VIL1: variants seen among roughly 807,000 people sequenced by gnomAD.
VIL1 encodes villin-1.
VIL1 carries 86 observed loss-of-function variants against 104.0 expected under a neutral mutation model. That is an observed-to-expected ratio of 0.83 (90% CI 0.69 to 0.99). The LOEUF is 0.99. Ranked by LOEUF, VIL1 falls within the 50% of genes least tolerant of loss-of-function variation. The probability of loss-of-function intolerance (pLI) is 0.00; values close to 1 mark genes in which losing one functional copy is unlikely to be tolerated. For synonymous variants in VIL1, 394 were observed against 412.6 expected (o/e 0.95, Z 0.55); for missense variants, 944 against 1,054.1 (o/e 0.90, Z 1.45).
intron 18 of VIL1, among the ~76,000 whole-genome samples, chr2:218,440,178 C>A (rs1417852325): frequency 6.6e-6 from 1 of 152,162 alleles, no homozygotes; most frequent in Non-Finnish European, 1.5e-5. Flanking sequence ...ATCTCCAACT[C>A]TGGGGAAAGC....
chr2:218,436,429 C>G, intron 15 of VIL1, 53 bp from the exon 16 acceptor site: 2 of 1,585,092 alleles, frequency 1.3e-6, no homozygotes, highest in Non-Finnish European at 1.7e-6. Flanking sequence ...GTCCTCAATT[C>G]TCCTTTTGCC....
intron 10 of VIL1, chr2:218,431,174 G>C: frequency 1.9e-6 from 1 of 514,336 alleles, no homozygotes; most frequent in Non-Finnish European, 3.4e-6. Flanking sequence ...GTGAAACCCC[G>C]TCTCTACTGA....
intron 1 of VIL1, among the ~76,000 whole-genome samples, chr2:218,420,886 A>G (rs976716842): frequency 5.3e-5 from 8 of 152,128 alleles, no homozygotes; most frequent in Non-Finnish European, 1.2e-4. Flanking sequence ...CGCCCAGCCC[A>G]TGAGTATTTG....
At chr2:218,442,248 T>C (rs1208814146) in intron 19 of VIL1, among the ~76,000 whole-genome samples, 1 of 152,146 alleles carries the variant, frequency 6.6e-6, no homozygotes, top group East Asian at 1.9e-4. Flanking sequence ...GAAAACTGGA[T>C]CAGGCTGAGC....
At chr2:218,428,632 C>A (rs1468411281) in intron 6 of VIL1, among the ~76,000 whole-genome samples, 1 of 152,136 alleles carries the variant, frequency 6.6e-6, no homozygotes, top group Non-Finnish European at 1.5e-5. Flanking sequence ...TACATTGACG[C>A]TGTGTGTGCA....
In VIL1 at chr2:218,451,662, GGTTTTAAATTTTAAAGCCTCT is replaced by G. The variant is rs1166259590; in HGVS notation, c.*2331_*2351del. 1 of 152,034 alleles carries G rather than the reference GGTTTTAAATTTTAAAGCCTCT, an allele frequency of 6.6e-6. No homozygotes were observed. The highest frequency in any genetic ancestry group is 6.6e-5 in the Admixed American group (1 of 15,248). The allele number at this position is 152,034 out of a possible 1,614,324, so 9.4% of individuals were successfully genotyped here. On this transcript the variant is annotated 3_prime_UTR_variant, in exon 20 of 20. Coordinates refer to ENST00000248444, the MANE Select transcript of VIL1 (RefSeq NM_007127.3). ...GTAAATTCATGGATTATTTTGCTGA[GGTTTTAAATTTTAAAGCCTCT>G]GTTTCAGAATTTTATACTTGATCAA...
At chr2:218,434,484 G>T in intron 13 of VIL1, 42 bp from the exon 14 acceptor site, 1 of 1,562,912 alleles carries the variant, frequency 6.4e-7, no homozygotes, top group South Asian at 1.2e-5. Context: ...TTTACTAAGT[G>T]ACTCCTGACT....
At position 218,428,332 on chromosome 2, in the gene VIL1, C is replaced by T; in HGVS notation, c.562C>T (p.Leu188Phe). The change falls in exon 6 of 20, where the codon CTC becomes TTC. Residue 188 changes from leucine to phenylalanine, a missense_variant. Leu to Phe is a conservative substitution (Grantham distance 22, BLOSUM62 0). Transcript: ENST00000248444. ...ACCGGAAAGCACCCGTATGGAGAGA[C>T]TCAGGGTAAACCTGCCCATGCACCA... ...NGPESTRMERLRGMTLAKEIR... is the reference protein window; with the variant it reads ...NGPESTRMERFRGMTLAKEIR... 1 of 1,614,050 alleles carries T rather than the reference C, an allele frequency of 6.2e-7. No individual in the cohort carries two copies.
rs776220657 is a variant in VIL1 at position 218,423,872 on chromosome 2, A to G, written c.75+19A>G. 6.2e-7 allele frequency: 1 copy of G among 1,613,952 alleles called. No homozygotes were observed. Among genetic ancestry groups the G allele is most frequent in the Non-Finnish European group, 8.5e-7 (1 of 1,179,870 alleles). On this transcript the variant is annotated intron_variant, in intron 2 of 19. Coordinates refer to ENST00000248444, the MANE Select transcript of VIL1 (RefSeq NM_007127.3). ...GATCGAGGTGAGGCCCTGTCTGGGC[A>G]TGGGGGCTGCTCAGGCCTGGGGTGG...
rs771944028 is a variant in VIL1 at position 218,423,782 on chromosome 2, A to T, written c.4A>T (p.Thr2Ser). 6.8e-5 allele frequency: 109 copies of T among 1,613,968 alleles called. No individual in the cohort carries two copies. In the East Asian group the frequency reaches 2.4e-3, roughly 36 times the overall value. ...TTCTCCCCCAGGCTCACTCACCATG[A>T]CCAAGCTGAGCGCCCAAGTCAAAGG... is the stretch of plus-strand genomic sequence containing the variant. Reference protein sequence around the residue: MTKLSAQVKGSL... With the variant: MSKLSAQVKGSL... Residue 2 changes from threonine to serine, a missense_variant, in exon 2 of 20, where the codon ACC (threonine) becomes TCC (serine). Physicochemically the swap from Thr to Ser is moderately conservative, Grantham distance 58. Transcript: ENST00000248444.
At chr2:218,429,719 C>T (rs763631152) in intron 8 of VIL1, 44 bp downstream of exon 8, 8 of 1,611,754 alleles carry the variant, frequency 5.0e-6, no homozygotes, top group East Asian at 2.2e-5. Flanking sequence ...AGCCTGGCCC[C>T]CTTTCCCTCA....
rs1010704937 is a variant in VIL1 at position 218,449,686 on chromosome 2, T to G, written c.*350T>G. The G allele has an allele frequency of 2.2e-5, 4 of 181,628 alleles. No individual in the cohort carries two copies. The highest frequency in any genetic ancestry group is 9.3e-5 in the African/African-American group (4 of 42,876). The allele number at this position is 181,628 out of a possible 1,614,324, so 11.3% of individuals were successfully genotyped here. A position where few individuals can be genotyped will look rare whatever the true frequency, so the allele number is the denominator to read the frequency against. On this transcript the variant is annotated 3_prime_UTR_variant, in exon 20 of 20. Transcript: ENST00000248444. ...CACTACCCTAGCTTGTCCTCTATCA[T>G]GACTCATTTTTATCTATGGCAGGTA... is the stretch of plus-strand genomic sequence containing the variant.
chr2:218,420,827 C>T (rs1194115368), intron 1 of VIL1, among the ~76,000 whole-genome samples: 3 of 152,096 alleles, frequency 2.0e-5, no homozygotes, highest in Non-Finnish European at 2.9e-5. Context: ...CCTCGTGATC[C>T]GCCTGCCTCG....
Position 218,451,506 on chromosome 2 carries a change from G to A in VIL1, c.*2170G>A, listed in dbSNP as rs1689475914. The A allele has an allele frequency of 6.6e-6, 1 of 152,096 alleles. No individual in the cohort carries two copies. 9.4% of individuals were successfully genotyped at this position (152,096 alleles called of 1,614,324 possible). A position where few individuals can be genotyped will look rare whatever the true frequency, so the allele number is the denominator to read the frequency against. On this transcript the variant is annotated 3_prime_UTR_variant, in exon 20 of 20. Coordinates refer to ENST00000248444, the MANE Select transcript of VIL1 (RefSeq NM_007127.3). ...GCTTTAATATAACCTCTTTTCAGTA[G>A]ATCACAAATGAGTTTACAAACTACT...
At chr2:218,438,747 C>T in intron 18 of VIL1, 21 bp downstream of exon 18, 1 of 1,603,948 alleles carries the variant, frequency 6.2e-7, no homozygotes, top group Non-Finnish European at 8.5e-7. Context: ...GGCGGGGTGG[C>T]TGGGCCCTGC....
Position 218,444,424 on chromosome 2 carries a change from C to T in VIL1, c.2370+3562C>T, listed in dbSNP as rs575829692. ...CCTCCCGAGTAGCTGGGACTACAGG[C>T]GCCCGCCATCACGCCCGGCTAATTT... On this transcript the variant is annotated intron_variant, in intron 19 of 19. Coordinates refer to ENST00000248444, the MANE Select transcript of VIL1 (RefSeq NM_007127.3). 3.2e-3 allele frequency among the ~76,000 whole-genome samples: 492 copies of T among 152,184 alleles called. 1 individual carries two copies. Among genetic ancestry groups the T allele is most frequent in the African/African-American group, 0.011 (465 of 41,518 alleles).
intron 10 of VIL1, 25 bp downstream of exon 10, chr2:218,430,903 G>A (rs777180701): frequency 1.9e-6 from 3 of 1,600,822 alleles, no homozygotes; most frequent in African/African-American, 1.3e-5. Context: ...GGGGCAGTGA[G>A]GGAGCCAGGA....
chr2:218,424,314 G>A lies in VIL1; in HGVS notation c.113G>A (p.Gly38Glu), dbSNP rs1278154442. 6.2e-7 allele frequency: 1 copy of A among 1,613,900 alleles called. No homozygotes were observed. Among genetic ancestry groups the A allele is most frequent in the Non-Finnish European group, 8.5e-7 (1 of 1,180,036 alleles). Residue 38 changes from glycine to glutamate, a missense_variant, in exon 3 of 20, where the codon GGA becomes GAA. Gly to Glu is a moderately conservative substitution (Grantham distance 98). Coordinates refer to ENST00000248444, the MANE Select transcript of VIL1 (RefSeq NM_007127.3). ...QMVPVPSSTF[G>E]SFFDGDCYII... ...GTGCCTGTTCCTTCCAGCACCTTTG[G>A]AAGCTTCTTCGATGGTGACTGCTAC...
At position 218,436,484 on chromosome 2, in the gene VIL1, T is replaced by C; in HGVS notation, c.1829T>C (p.Leu610Pro). ...GKAPYANTKR[L>P]QEENLVITPR... ...ACAATCTTCTCTCCATCCTGCAGAC[T>C]ACAGGAAGAAAACCTGGTCATCACC... Residue 610 changes from leucine to proline, a missense_variant and splice_region_variant, in exon 16 of 20, where the codon CTA becomes CCA. By Grantham distance (98) the Leu-to-Pro change is moderately conservative. Coordinates refer to ENST00000248444, the MANE Select transcript of VIL1 (RefSeq NM_007127.3). 1 of 1,613,846 alleles carries C rather than the reference T, an allele frequency of 6.2e-7. No individual in the cohort carries two copies. The highest frequency in any genetic ancestry group is 8.5e-7 in the Non-Finnish European group (1 of 1,179,878).
Sources: allele counts gnomAD v4.1 joint callset (sites outside exome capture counted in the v4.1 genomes callset), GRCh38; gene constraint gnomAD v4.1.1; transcripts MANE v1.5; gene names NCBI Gene and HGNC (gene_info 2026-07-23, HGNC 2026-07-21).